Variants in MIPEP observed in about 807,000 individuals in gnomAD.
The protein encoded by MIPEP is mitochondrial intermediate peptidase.
A neutral mutation model predicts 90.3 loss-of-function variants in MIPEP; 79 were observed. That is an observed-to-expected ratio of 0.87 (90% CI 0.73 to 1.05). The LOEUF is 1.05. Among genes scored for constraint, MIPEP ranks in the 50% least tolerant of loss-of-function variants. MIPEP has a pLI of 0.00. For missense variants in MIPEP, 940 were observed against 905.6 expected (o/e 1.04, Z -0.49); for synonymous variants, 334 against 315.8 (o/e 1.06, Z -0.61).
intron 18 of MIPEP, chr13:23,747,538 G>A: frequency 2.0e-6 from 1 of 512,214 alleles, no homozygotes; most frequent in South Asian, 1.4e-5. Context: ...GAAGGAGGAA[G>A]GGCAGGATAG....
chr13:23,731,317 A>G (rs9510835), intron 18 of MIPEP, among the ~76,000 whole-genome samples: 28,166 of 152,152 alleles, frequency 0.19, 3,154 homozygotes, highest in East Asian at 0.42. Context: ...CTGTATTGCA[A>G]TTCAGTGAAC....
intron 14 of MIPEP, among the ~76,000 whole-genome samples, chr13:23,822,908 C>CA (rs1360658802): frequency 1.3e-5 from 2 of 150,338 alleles, no homozygotes; most frequent in African/African-American, 4.9e-5. Context: ...TTTTTTGAGA[C>CA]AGAGTCTTGC....
At chr13:23,786,913 C>T (rs1191757092) in intron 16 of MIPEP, among the ~76,000 whole-genome samples, 4 of 152,004 alleles carry the variant, frequency 2.6e-5, no homozygotes, top group South Asian at 4.2e-4. Context: ...TCTATAATAA[C>T]GAAAAAGGAG....
chr13:23,849,023 T>G (rs1249471182), intron 10 of MIPEP, among the ~76,000 whole-genome samples: 2 of 152,104 alleles, frequency 1.3e-5, no homozygotes, highest in South Asian at 4.2e-4. Flanking sequence ...TCAGCTCACG[T>G]CTTCAACACG....
intron 16 of MIPEP, among the ~76,000 whole-genome samples, chr13:23,781,455 C>A (rs545665022): frequency 2.0e-5 from 3 of 152,318 alleles, no homozygotes; most frequent in African/African-American, 7.2e-5. Flanking sequence ...CCAAAGGAAG[C>A]ACTAAACATG....
At chr13:23,859,959 A>G (rs1870218484) in intron 9 of MIPEP, among the ~76,000 whole-genome samples, 1 of 152,260 alleles carries the variant, frequency 6.6e-6, no homozygotes, top group African/African-American at 2.4e-5. Context: ...GAGTGCCTGA[A>G]GGGCAGGGAC....
intron 3 of MIPEP, among the ~76,000 whole-genome samples, chr13:23,880,604 G>C (rs1342062587): frequency 1.3e-5 from 2 of 152,214 alleles, no homozygotes; most frequent in Non-Finnish European, 2.9e-5. Flanking sequence ...CTCCTTCCCA[G>C]GGGCCTTTCC....
chr13:23,790,655 C>G (rs1164508537), intron 16 of MIPEP, among the ~76,000 whole-genome samples: 1 of 152,336 alleles, frequency 6.6e-6, no homozygotes, highest in Non-Finnish European at 1.5e-5. Context: ...GGCACACCAT[C>G]TGCCTCATGG....
intron 16 of MIPEP, among the ~76,000 whole-genome samples, chr13:23,760,921 TTTAG>T (rs1952535735): frequency 6.6e-6 from 1 of 152,188 alleles, no homozygotes; most frequent in Non-Finnish European, 1.5e-5. Context: ...TTTTTAATAA[TTTAG>T]TTAGTTCAGA....
intron 16 of MIPEP, among the ~76,000 whole-genome samples, chr13:23,798,836 T>C (rs979897541): frequency 1.3e-5 from 2 of 152,052 alleles, no homozygotes; most frequent in Non-Finnish European, 2.9e-5. Flanking sequence ...CAGATGCCAG[T>C]GTTATGCTTC....
chr13:23,761,659 G>C (rs1032261543), intron 16 of MIPEP, among the ~76,000 whole-genome samples: 6 of 152,180 alleles, frequency 3.9e-5, no homozygotes, highest in Admixed American at 6.5e-5. Flanking sequence ...CGGCACACGA[G>C]CTTGCGATGG....
intron 16 of MIPEP, among the ~76,000 whole-genome samples, chr13:23,765,377 A>G (rs1193524264): frequency 1.3e-5 from 2 of 152,228 alleles, no homozygotes; most frequent in Non-Finnish European, 2.9e-5. Context: ...GAGACACCAC[A>G]TTCATAAAAC....
chr13:23,757,494 A>C (rs1565983276), intron 17 of MIPEP, among the ~76,000 whole-genome samples: 3 of 152,216 alleles, frequency 2.0e-5, no homozygotes, highest in African/African-American at 7.2e-5. Flanking sequence ...ATTTTAAATG[A>C]GGCTTGAAAT....
chr13:23,800,581 C>G (rs148454049), intron 16 of MIPEP, among the ~76,000 whole-genome samples: 23 of 152,232 alleles, frequency 1.5e-4, no homozygotes, highest in African/African-American at 5.3e-4. Context: ...CAAGTAAGTA[C>G]AAATTAGCCT....
chr13:23,744,115 T>C (rs909849632), intron 18 of MIPEP, among the ~76,000 whole-genome samples: 7 of 152,264 alleles, frequency 4.6e-5, no homozygotes, highest in African/African-American at 1.4e-4. Context: ...TCCTGTAAAG[T>C]TCCAAATCTT....
At chr13:23,753,057 G>A (rs778719704) in intron 18 of MIPEP, among the ~76,000 whole-genome samples, 11 of 151,740 alleles carry the variant, frequency 7.2e-5, no homozygotes, top group Non-Finnish European at 1.6e-4. Context: ...GCAAAATCCC[G>A]TCTCTACTAA....
At chr13:23,831,386 G>GGGGGCGGGGGGGGGGGC (rs1868748814) in intron 14 of MIPEP, among the ~76,000 whole-genome samples, 5 of 69,414 alleles carry the variant, frequency 7.2e-5, no homozygotes, top group African/African-American at 2.0e-4. Context: ...CCCATGGCGG[G>GGGGGCGGGGGGGGGGGC]GGGGGGATGT....
At position 23,790,766 on chromosome 13, in the gene MIPEP, C is replaced by G. The variant is rs557909725; in HGVS notation, c.1848+15184G>C. Among the ~76,000 whole-genome samples, 175 of 152,268 alleles carry G rather than the reference C, an allele frequency of 1.1e-3. 1 individual carries two copies. Among genetic ancestry groups the G allele is most frequent in the African/African-American group, 4.1e-3 (170 of 41,550 alleles). On this transcript the variant is annotated intron_variant, in intron 16 of 18. Coordinates refer to ENST00000382172, the MANE Select transcript of MIPEP (RefSeq NM_005932.4). ...CCATTAACACTCACTGTGGTCTTCT[C>G]CAGAATTCTAAGAAAACACATTTTT...
At chr13:23,748,395 G>C (rs1269677611) in intron 18 of MIPEP, among the ~76,000 whole-genome samples, 1 of 152,094 alleles carries the variant, frequency 6.6e-6, no homozygotes, top group Non-Finnish European at 1.5e-5. Flanking sequence ...TTTATTGAGG[G>C]GCAGAGACCA....
Sources: allele counts gnomAD v4.1 joint callset (sites outside exome capture counted in the v4.1 genomes callset), GRCh38; gene constraint gnomAD v4.1.1; transcripts MANE v1.5; gene names NCBI Gene and HGNC (gene_info 2026-07-23, HGNC 2026-07-21).